The following TUBA1C variants were observed in gnomAD, a reference collection of about 807,000 sequenced individuals.
TUBA1C encodes tubulin alpha 1c.
TUBA1C carries 16 observed loss-of-function variants against 34.9 expected under a neutral mutation model. The observed-to-expected ratio is 0.46, with a 90% CI of 0.31 to 0.70. TUBA1C has a LOEUF of 0.70. Among genes scored for constraint, TUBA1C ranks in the 30% least tolerant of loss-of-function variants. The probability of loss-of-function intolerance (pLI) is 0.05; values close to 1 mark genes in which losing one functional copy is unlikely to be tolerated. For missense variants in TUBA1C, 329 were observed against 587.3 expected (o/e 0.56, Z 4.55); for synonymous variants, 177 against 215.9 (o/e 0.82, Z 1.58).
chr12:49,264,786 A>AGCCCTTCCT (rs1253171550), upstream of TUBA1C: 856 of 174,356 alleles, frequency 4.9e-3, 17 homozygotes, highest in East Asian at 0.01. Flanking sequence ...CCAGCCCCAG[A>AGCCCTTCCT]GCCCTTCCTG....
upstream of TUBA1C, among the ~76,000 whole-genome samples, chr12:49,263,070 C>T (rs1404643264): frequency 7.2e-6 from 1 of 138,290 alleles, no homozygotes; most frequent in Non-Finnish European, 1.5e-5. Flanking sequence ...GTCACTCAGG[C>T]TGGAGTACAG....
intron 1 of TUBA1C, among the ~76,000 whole-genome samples, chr12:49,257,653 A>C (rs1317569020): frequency 6.6e-6 from 1 of 151,810 alleles, no homozygotes; most frequent in Non-Finnish European, 1.5e-5. Flanking sequence ...GGTGGCGCAC[A>C]CGGTAACCTC....
chr12:49,229,082 C>A (rs1942468006), intron 1 of TUBA1C, among the ~76,000 whole-genome samples: 1 of 152,194 alleles, frequency 6.6e-6, no homozygotes, highest in South Asian at 2.1e-4. Flanking sequence ...CTCCTCTAAT[C>A]TATTGGTCTT....
chr12:49,268,268 C>G (rs904922772), intron 1 of TUBA1C, among the ~76,000 whole-genome samples: 2 of 151,994 alleles, frequency 1.3e-5, no homozygotes, highest in African/African-American at 4.8e-5. Flanking sequence ...CTGGCTAATT[C>G]TTGTATTTTT....
chr12:49,255,424 A>AT (rs1408179515), intron 1 of TUBA1C, among the ~76,000 whole-genome samples: 1 of 148,186 alleles, frequency 6.7e-6, no homozygotes, highest in Non-Finnish European at 1.5e-5. Context: ...ATATATATAT[A>AT]TATATATTTC....
At chr12:49,271,691 A>G (rs1171956517) in intron 3 of TUBA1C, among the ~76,000 whole-genome samples, 1 of 152,198 alleles carries the variant, frequency 6.6e-6, no homozygotes, top group East Asian at 1.9e-4. Context: ...CTCAGAAAGC[A>G]GCTGCCAAAT....
intron 1 of TUBA1C, among the ~76,000 whole-genome samples, chr12:49,265,730 T>C (rs1413582457): frequency 6.6e-6 from 1 of 152,120 alleles, no homozygotes; most frequent in Admixed American, 6.5e-5. Flanking sequence ...GGCACCTCCT[T>C]GGAAGGGAAT....
At chr12:49,231,673 A>C (rs2136984435) in intron 1 of TUBA1C, among the ~76,000 whole-genome samples, 1 of 152,196 alleles carries the variant, frequency 6.6e-6, no homozygotes, top group East Asian at 1.9e-4. Flanking sequence ...GCTACTTAAA[A>C]AAAATAGATG....
At chr12:49,265,282 C>A in intron 1 of TUBA1C, 98 bp downstream of exon 1, 1 of 978,536 alleles carries the variant, frequency 1.0e-6, no homozygotes, top group Non-Finnish European at 1.5e-6. Context: ...CCCAGGACAG[C>A]TCCAGACTAC....
chr12:49,260,129 G>A (rs145997558), upstream of TUBA1C, among the ~76,000 whole-genome samples: 68 of 152,222 alleles, frequency 4.5e-4, no homozygotes, highest in African/African-American at 1.6e-3. Context: ...GTAGACAATT[G>A]AAGAATATGA....
At chr12:49,259,402 T>G (rs1942820927) in intron 1 of TUBA1C, among the ~76,000 whole-genome samples, 1 of 152,110 alleles carries the variant, frequency 6.6e-6, no homozygotes. Flanking sequence ...TTTGTATTTT[T>G]AATAGAGTTG....
chr12:49,228,126 C>CA lies in TUBA1C; in HGVS notation c.174dup (p.Ser59IlefsTer11). On this transcript the variant is annotated frameshift_variant, in exon 1 of 4. Transcript: ENST00000541364. LOFTEE classifies it high-confidence loss of function. ...CTCCCTGCGCCTTTTAACACATGCA[C>CA]ATCCAGCAAAAGCAGAGGAGAACCT... 2 of 1,535,698 alleles carry CA rather than the reference C, an allele frequency of 1.3e-6. No homozygotes were observed. Among genetic ancestry groups the CA allele is most frequent in the Non-Finnish European group, 1.7e-6 (2 of 1,146,912 alleles).
exon 1 of TUBA1C, chr12:49,227,971 T>G: frequency 1.3e-6 from 2 of 1,535,684 alleles, no homozygotes; most frequent in Non-Finnish European, 1.7e-6. Flanking sequence ...CCTGGTTCAA[T>G]GGGGTGGAGG....
At chr12:49,234,478 T>G (rs1942528634) in intron 1 of TUBA1C, among the ~76,000 whole-genome samples, 2 of 152,254 alleles carry the variant, frequency 1.3e-5, no homozygotes, top group Non-Finnish European at 1.5e-5. Context: ...TGTGGTTGTG[T>G]CCATGACTTT....
At chr12:49,264,881 C>T (rs1942882467), upstream of TUBA1C, 2 of 185,860 alleles carry the variant, frequency 1.1e-5, no homozygotes, top group Non-Finnish European at 1.0e-5. Context: ...CTTCCTGCTC[C>T]TGGCTCCTTC....
At chr12:49,270,147 G>C in intron 3 of TUBA1C, 171 bp downstream of exon 3, 1 of 1,361,708 alleles carries the variant, frequency 7.3e-7, no homozygotes, top group South Asian at 1.2e-5. Context: ...GGATTTATGG[G>C]ACAACTATGG....
At chr12:49,253,039 G>T (rs190133214) in intron 1 of TUBA1C, among the ~76,000 whole-genome samples, 93 of 147,922 alleles carry the variant, frequency 6.3e-4, no homozygotes, top group African/African-American at 2.2e-3. Context: ...AGCCAAGATT[G>T]CAGCACCACT....
chr12:49,258,260 G>C (rs1942806797), intron 1 of TUBA1C, among the ~76,000 whole-genome samples: 1 of 152,064 alleles, frequency 6.6e-6, no homozygotes, highest in African/African-American at 2.4e-5. Context: ...TGTTTATAAA[G>C]TCTACAGTAG....
At chr12:49,268,775 A>C (rs1942949412) in intron 1 of TUBA1C, among the ~76,000 whole-genome samples, 1 of 152,160 alleles carries the variant, frequency 6.6e-6, no homozygotes, top group Admixed American at 6.6e-5. Flanking sequence ...AGCTGGTTTT[A>C]AAGGAGGGAG....
Sources: gnomAD v4.1 joint callset for allele counts (sites outside exome capture counted in the v4.1 genomes callset) on GRCh38, gnomAD v4.1.1 for gene constraint, MANE v1.5 for transcripts, NCBI Gene and HGNC (gene_info 2026-07-23, HGNC 2026-07-21) for gene names.